The following CAMK1D variants were observed in gnomAD, a reference collection of about 807,000 sequenced individuals.
CAMK1D encodes calcium/calmodulin dependent protein kinase ID.
A neutral mutation model predicts 47.7 loss-of-function variants in CAMK1D; 9 were observed. The ratio of observed to expected loss-of-function variants is 0.19; its 90% CI spans 0.11 to 0.33. CAMK1D has a LOEUF of 0.33. CAMK1D is among the 10% of genes least tolerant of loss of function. The probability of loss-of-function intolerance (pLI) is 1.00; values close to 1 mark genes in which losing one functional copy is unlikely to be tolerated. For synonymous variants in CAMK1D, 184 were observed against 184.9 expected (o/e 0.99, Z 0.04); for missense variants, 291 against 488.7 (o/e 0.60, Z 3.81).
At chr10:12,746,296 G>A (rs145433862) in intron 3 of CAMK1D, among the ~76,000 whole-genome samples, 2,815 of 145,168 alleles carry the variant, frequency 0.019, 105 homozygotes, top group African/African-American at 0.069. Context: ...CCCGGGAGGC[G>A]GAGCTTGCAG....
chr10:12,548,136 G>A (rs1836457421), intron 1 of CAMK1D, among the ~76,000 whole-genome samples: 2 of 152,074 alleles, frequency 1.3e-5, no homozygotes, highest in South Asian at 4.1e-4. Flanking sequence ...TTGTGTGATG[G>A]GACTCAGTAT....
chr10:12,825,534 T>A lies in CAMK1D; in HGVS notation c.922-39T>A, dbSNP rs1468775638. 2.5e-6 allele frequency: 4 copies of A among 1,594,210 alleles called. No individual in the cohort carries two copies. The East Asian group carries it at 9.0e-5, about 36-fold the overall frequency. On this transcript the variant is annotated intron_variant, in intron 9 of 10. Coordinates refer to ENST00000619168, the MANE Select transcript of CAMK1D (RefSeq NM_153498.4). ...ACAGTTAGAGTCTTTTCCGATTAGC[T>A]GAAATATTTGTCTGCTTTTTTCCTT...
At chr10:12,799,594 C>T (rs529514814) in intron 6 of CAMK1D, among the ~76,000 whole-genome samples, 1 of 152,312 alleles carries the variant, frequency 6.6e-6, no homozygotes, top group South Asian at 2.1e-4. Context: ...GGTGTCTGCA[C>T]CCCTCATGCT....
intron 2 of CAMK1D, among the ~76,000 whole-genome samples, chr10:12,611,717 G>T (rs886621374): frequency 1.4e-5 from 2 of 145,748 alleles, no homozygotes; most frequent in African/African-American, 5.1e-5. Context: ...TCAGCCTCCC[G>T]AGTAGCTGAG....
intron 6 of CAMK1D, among the ~76,000 whole-genome samples, chr10:12,813,613 C>T (rs947641093): frequency 6.6e-6 from 1 of 152,082 alleles, no homozygotes; most frequent in South Asian, 2.1e-4. Flanking sequence ...TAGTTATTTA[C>T]CTTTGATCAT....
intron 1 of CAMK1D, among the ~76,000 whole-genome samples, chr10:12,420,134 A>C (rs1436214195): frequency 1.3e-5 from 2 of 151,986 alleles, no homozygotes; most frequent in Non-Finnish European, 2.9e-5. Context: ...TAATTTTTAT[A>C]TTTTTAGTAG....
At chr10:12,594,364 A>G (rs1340422953) in intron 2 of CAMK1D, among the ~76,000 whole-genome samples, 13 of 152,254 alleles carry the variant, frequency 8.5e-5, no homozygotes, top group Admixed American at 8.5e-4. Context: ...TGTTTTGTTC[A>G]ACCACGTTTA....
intron 2 of CAMK1D, among the ~76,000 whole-genome samples, chr10:12,609,449 C>G (rs1263482131): frequency 6.6e-6 from 1 of 152,178 alleles, no homozygotes; most frequent in Non-Finnish European, 1.5e-5. Flanking sequence ...TACCACTTAT[C>G]ATAATGTAGA....
chr10:12,801,338 TATC>T (rs1564572014), intron 6 of CAMK1D, among the ~76,000 whole-genome samples: 82 of 106,234 alleles, frequency 7.7e-4, no homozygotes, highest in Non-Finnish European at 8.5e-4. Flanking sequence ...TCTATCTATC[TATC>T]TATCTATCTA....
intron 8 of CAMK1D, among the ~76,000 whole-genome samples, chr10:12,820,813 C>G (rs796607950): frequency 6.6e-6 from 1 of 152,214 alleles, no homozygotes; most frequent in African/African-American, 2.4e-5. Context: ...TTGCTGTTCT[C>G]TCTGTGGTGT....
intron 1 of CAMK1D, among the ~76,000 whole-genome samples, chr10:12,480,996 G>A (rs776062632): frequency 2.5e-4 from 38 of 152,170 alleles, no homozygotes; most frequent in Non-Finnish European, 4.4e-4. Flanking sequence ...AACTTGGGGG[G>A]AAATTTAGTT....
chr10:12,457,779 C>CAAAAA (rs5783269), intron 1 of CAMK1D, among the ~76,000 whole-genome samples: 8 of 71,068 alleles, frequency 1.1e-4, no homozygotes, highest in Admixed American at 3.1e-4. Flanking sequence ...GACTCTGTCT[C>CAAAAA]AAAAAAAAAA....
chr10:12,805,215 C>T (rs1187101429), intron 6 of CAMK1D, among the ~76,000 whole-genome samples: 3 of 150,860 alleles, frequency 2.0e-5, no homozygotes, highest in Non-Finnish European at 3.0e-5. Flanking sequence ...GCCGAGATTG[C>T]GCCACTGCAC....
intron 1 of CAMK1D, among the ~76,000 whole-genome samples, chr10:12,401,895 C>CTGTATA (rs1554765710): frequency 1.4e-5 from 2 of 146,142 alleles, no homozygotes; most frequent in East Asian, 4.0e-4. Context: ...TATTCTCAGA[C>CTGTATA]TATATATATA....
At chr10:12,448,739 A>G (rs1832993814) in intron 1 of CAMK1D, among the ~76,000 whole-genome samples, 1 of 152,106 alleles carries the variant, frequency 6.6e-6, no homozygotes, top group Admixed American at 6.6e-5. Flanking sequence ...CTTTTGTACT[A>G]TTTTTAAAGA....
intron 1 of CAMK1D, among the ~76,000 whole-genome samples, chr10:12,393,397 C>G (rs1430868300): frequency 2.6e-5 from 4 of 152,140 alleles, no homozygotes; most frequent in Non-Finnish European, 1.5e-5. Flanking sequence ...TGGTGCTAGG[C>G]TCTCTGAGAG....
chr10:12,466,203 C>T (rs1259493645), intron 1 of CAMK1D, among the ~76,000 whole-genome samples: 2 of 151,918 alleles, frequency 1.3e-5, no homozygotes, highest in African/African-American at 2.4e-5. Flanking sequence ...GTCAGGAGAT[C>T]GAGCCCATCC....
intron 5 of CAMK1D, among the ~76,000 whole-genome samples, chr10:12,770,480 A>G (rs1273561341): frequency 7.2e-5 from 11 of 152,240 alleles, no homozygotes; most frequent in African/African-American, 2.7e-4. Flanking sequence ...GTATTCATGC[A>G]TTCCTTCATT....
At chr10:12,731,046 TTTTGG>T (rs908751387) in intron 3 of CAMK1D, among the ~76,000 whole-genome samples, 12 of 152,098 alleles carry the variant, frequency 7.9e-5, no homozygotes, top group East Asian at 1.9e-4. Flanking sequence ...AAGGTTTTGG[TTTTGG>T]TTTGGTTTGG....
Sources: allele counts gnomAD v4.1 joint callset (sites outside exome capture counted in the v4.1 genomes callset), GRCh38; gene constraint gnomAD v4.1.1; transcripts MANE v1.5; gene names NCBI Gene and HGNC (gene_info 2026-07-23, HGNC 2026-07-21).